PRH1: variants seen among roughly 807,000 people sequenced by gnomAD.
The protein encoded by PRH1 is proline rich protein HaeIII subfamily 1.
PRH1 carries 7 observed loss-of-function variants against 7.9 expected under a neutral mutation model. The observed-to-expected ratio is 0.89, with a 90% CI of 0.50 to 1.67. The LOEUF (loss-of-function observed/expected upper bound fraction) is 1.67. Among genes scored for constraint, PRH1 ranks in the 40% most tolerant of loss-of-function variants. The probability of loss-of-function intolerance (pLI) is 0.00; values close to 1 mark genes in which losing one functional copy is unlikely to be tolerated. For synonymous variants in PRH1, 45 were observed against 80.8 expected (o/e 0.56, Z 2.38); for missense variants, 109 against 223.6 (o/e 0.49, Z 3.27).
intron 1 of PRH1, among the ~76,000 whole-genome samples, chr12:10,988,571 G>C (rs1251192769): frequency 6.6e-6 from 1 of 152,034 alleles, no homozygotes; most frequent in African/African-American, 2.4e-5. Flanking sequence ...TCTTTATGGA[G>C]CATTTTTCCA....
chr12:10,890,893 G>T (rs1459556908), intron 2 of PRH1, among the ~76,000 whole-genome samples: 1 of 151,628 alleles, frequency 6.6e-6, no homozygotes, highest in African/African-American at 2.4e-5. Flanking sequence ...CTCCCAGTAG[G>T]GTCTCTTTTG....
At chr12:11,075,038 T>C (rs1241212708) in intron 1 of PRH1, among the ~76,000 whole-genome samples, 2 of 143,324 alleles carry the variant, frequency 1.4e-5, no homozygotes, top group African/African-American at 2.5e-5. Context: ...TTACCCCTCA[T>C]TGCTACCCTG....
At chr12:11,049,474 C>T (rs1358088184), upstream of PRH1, among the ~76,000 whole-genome samples, 3 of 109,882 alleles carry the variant, frequency 2.7e-5, no homozygotes, top group Non-Finnish European at 6.4e-5. Flanking sequence ...TATTCTTATT[C>T]TCAAAACAGC....
At chr12:11,063,348 T>G (rs1212507063) in intron 1 of PRH1, among the ~76,000 whole-genome samples, 1 of 152,096 alleles carries the variant, frequency 6.6e-6, no homozygotes, top group Non-Finnish European at 1.5e-5. Context: ...TCAGATGGCT[T>G]CCATAATGGG....
chr12:11,135,995 A>G (rs1443239802), intron 1 of PRH1, among the ~76,000 whole-genome samples: 1 of 152,210 alleles, frequency 6.6e-6, no homozygotes, highest in East Asian at 1.9e-4. Flanking sequence ...ACCGCAGTGT[A>G]TCATAAACAT....
At chr12:11,119,590 T>C (rs933800454), downstream of PRH1, among the ~76,000 whole-genome samples, 10 of 151,960 alleles carry the variant, frequency 6.6e-5, no homozygotes, top group African/African-American at 2.2e-4. Context: ...AAAAAGAAAT[T>C]CCTAAACTTC....
At chr12:10,967,062 C>T (rs557913531) in intron 2 of PRH1, among the ~76,000 whole-genome samples, 23 of 140,898 alleles carry the variant, frequency 1.6e-4, no homozygotes, top group African/African-American at 5.6e-4. Context: ...TTGCAGTGAG[C>T]GGAGATGGCG....
Position 11,086,636 on chromosome 12 carries a change from G to A in PRH1, n.124-39448C>T, listed in dbSNP as rs182974114. On this transcript the variant is annotated intron_variant and non_coding_transcript_variant, in intron 1 of 4. Transcript: ENST00000541977. ...ACCTATAAAAAGGAGACGATAGGCC[G>A]GGTGCGGTGGCTCAGGCCTGTAATC... is the stretch of plus-strand genomic sequence containing the variant. Among the ~76,000 whole-genome samples, 5 of 146,124 alleles carry A rather than the reference G, an allele frequency of 3.4e-5. No homozygotes were observed. In the East Asian group the frequency reaches 5.8e-4, roughly 17 times the overall value.
At chr12:11,065,351 T>C (rs1565613429) in intron 1 of PRH1, among the ~76,000 whole-genome samples, 1 of 152,152 alleles carries the variant, frequency 6.6e-6, no homozygotes, top group African/African-American at 2.4e-5. Flanking sequence ...TATGAACTGA[T>C]ACACTTTACC....
intron 2 of PRH1, among the ~76,000 whole-genome samples, chr12:10,966,997 C>T (rs1456267794): frequency 2.6e-5 from 4 of 151,930 alleles, no homozygotes; most frequent in Non-Finnish European, 5.9e-5. Flanking sequence ...CACCTGTAGT[C>T]CCAGCTACTT....
chr12:11,083,867 A>T (rs75723890), intron 1 of PRH1, among the ~76,000 whole-genome samples: 45,140 of 91,892 alleles, frequency 0.49, 10,971 homozygotes, highest in Non-Finnish European at 0.57. Flanking sequence ...CATATCTATG[A>T]AGTTCAAATT....
At chr12:11,148,746 C>A (rs1173188399) in intron 1 of PRH1, among the ~76,000 whole-genome samples, 1 of 112,032 alleles carries the variant, frequency 8.9e-6, no homozygotes, top group Admixed American at 9.0e-5. Context: ...GTCTAAAATT[C>A]TCTTTTTGGT....
intron 1 of PRH1, among the ~76,000 whole-genome samples, chr12:11,082,906 T>A (rs1201815049): frequency 8.8e-6 from 1 of 113,858 alleles, no homozygotes; most frequent in South Asian, 2.4e-4. Flanking sequence ...CTGCTTAATT[T>A]CATTCTCAGC....
chr12:10,981,782 C>T (rs573768690), intron 1 of PRH1, among the ~76,000 whole-genome samples: 28 of 151,924 alleles, frequency 1.8e-4, no homozygotes, highest in Middle Eastern at 6.8e-3. Context: ...ACTGCAAACT[C>T]GAATTCCTGG....
chr12:11,125,903 T>C (rs906540364), intron 1 of PRH1, among the ~76,000 whole-genome samples: 5 of 152,154 alleles, frequency 3.3e-5, no homozygotes, highest in Non-Finnish European at 5.9e-5. Context: ...ATTTAAAGTT[T>C]AAAATTTTAT....
At chr12:11,078,599 T>C (rs1944390862) in intron 1 of PRH1, 1 of 121,436 alleles carries the variant, frequency 8.2e-6, no homozygotes, top group South Asian at 2.2e-4. Flanking sequence ...GTCATTGTTT[T>C]GCAATTTTTT....
At chr12:10,963,766 C>T (rs1209256814) in intron 2 of PRH1, among the ~76,000 whole-genome samples, 3 of 152,152 alleles carry the variant, frequency 2.0e-5, no homozygotes, top group African/African-American at 4.8e-5. Context: ...TTCCTCAGTA[C>T]TGATGATGGT....
Position 11,036,742 on chromosome 12 carries a change from A to C in PRH1, c.-126+10278T>G, listed in dbSNP as rs1355024378. 5.3e-5 allele frequency among the ~76,000 whole-genome samples: 8 copies of C among 152,352 alleles called. No individual in the cohort carries two copies. The East Asian group carries it at 1.5e-3, about 29-fold the overall frequency. On this transcript the variant is annotated intron_variant, in intron 1 of 3. Coordinates refer to the PRH1 transcript ENST00000539853. ...TGCTGTTTACTATTGTAACTTTCCC[A>C]CAATGATGATCTTTTTAAAATTACT...
intron 1 of PRH1, among the ~76,000 whole-genome samples, chr12:11,013,443 A>C (rs1235495105): frequency 6.6e-6 from 1 of 152,150 alleles, no homozygotes; most frequent in Non-Finnish European, 1.5e-5. Context: ...ATACACAAAA[A>C]ATAACTCATA....
Sources: allele counts gnomAD v4.1 joint callset (sites outside exome capture counted in the v4.1 genomes callset), GRCh38; gene constraint gnomAD v4.1.1; transcripts MANE v1.5; gene names NCBI Gene and HGNC (gene_info 2026-07-23, HGNC 2026-07-21).